The following OR7E24 variants were observed in gnomAD, a reference collection of about 807,000 sequenced individuals.
OR7E24 encodes the protein olfactory receptor family 7 subfamily E member 24.
For missense variants in OR7E24, 385 were observed against 410.3 expected (o/e 0.94, Z 0.53); for synonymous variants, 130 against 157.5 (o/e 0.83, Z 1.31).
upstream of OR7E24, chr19:9,247,498 C>G (rs1021981080): frequency 1.3e-5 from 5 of 398,608 alleles, no homozygotes; most frequent in Admixed American, 4.4e-5. Context: ...CATGGCCCAG[C>G]AGAGGGGAAG....
the OR7E24 span, chr19:9,207,487 G>A: frequency 1.3e-5 from 2 of 152,192 alleles, no homozygotes; most frequent in Non-Finnish European, 2.9e-5. Flanking sequence ...AAGGTACAAG[G>A]TAGAATGGTA....
chr19:9,246,466 T>TTG (rs34518365), upstream of OR7E24, among the ~76,000 whole-genome samples: 34,692 of 130,522 alleles, frequency 0.27, 4,427 homozygotes, highest in Non-Finnish European at 0.3. Context: ...CTTAAAGGTA[T>TTG]TGTGTGTGTG....
rs1450756932 is a variant in OR7E24 at position 9,252,137 on chromosome 19, G to C, written c.*74G>C. ...GTCACATTATTTTGGTTGCTTGATG[G>C]CTTTCATTCCTCTCTGGGTTTCGTA... On this transcript the variant is annotated 3_prime_UTR_variant, in exon 1 of 1. Transcript: ENST00000456448. 1.6e-6 allele frequency: 2 copies of C among 1,259,370 alleles called. No individual in the cohort carries two copies. Among genetic ancestry groups the C allele is most frequent in the African/African-American group, 3.0e-5 (2 of 67,306 alleles). 78.0% of individuals were successfully genotyped at this position (1,259,370 alleles called of 1,614,324 possible). A position where few individuals can be genotyped will look rare whatever the true frequency, so the allele number is the denominator to read the frequency against.
rs1421409879 is a variant in OR7E24, at chr19:9,251,547, T to C, written c.504T>C (p.Phe168=). 6.2e-7 allele frequency: 1 copy of C among 1,614,164 alleles called. No homozygotes were observed. Among genetic ancestry groups the C allele is most frequent in the South Asian group, 1.1e-5 (1 of 91,076 alleles). ...GCTTCTTAATCTTGTTGTCTTTTTT[T>C]ATTAGTCTTTTGGACTCCCAGTTGC... The part of the protein sequence containing the change: ...LCGFLILLSF[F]ISLLDSQLHN... The change falls in exon 1 of 1, where the codon TTT becomes TTC. Residue 168 remains phenylalanine (F), a synonymous_variant. Transcript: ENST00000456448.
At chr19:9,216,803 G>A in the OR7E24 span, among the ~76,000 whole-genome samples, 1 of 152,158 alleles carries the variant, frequency 6.6e-6, no homozygotes, top group East Asian at 1.9e-4. Flanking sequence ...TGTTGGCCAG[G>A]TTGGTTTTGA....
chr19:9,215,486 G>A, the OR7E24 span, among the ~76,000 whole-genome samples: 5 of 151,278 alleles, frequency 3.3e-5, no homozygotes, highest in African/African-American at 7.3e-5. Context: ...TCTTTTCCTC[G>A]ATAATCCCCA....
chr19:9,214,544 G>A, the OR7E24 span: 2 of 1,614,180 alleles, frequency 1.2e-6, no homozygotes, highest in Non-Finnish European at 1.7e-6. Context: ...ACACCTGAGT[G>A]AGGCACCCCA....
the OR7E24 span, among the ~76,000 whole-genome samples, chr19:9,232,568 C>T: frequency 2.0e-5 from 3 of 146,604 alleles, no homozygotes; most frequent in Admixed American, 2.0e-4. Context: ...AAAGATTCTT[C>T]GTGCACTTTG....
chr19:9,238,165 T>C, the OR7E24 span, among the ~76,000 whole-genome samples: 11 of 152,064 alleles, frequency 7.2e-5, no homozygotes, highest in African/African-American at 2.7e-4. Context: ...TCCCAGCTAC[T>C]TGGGAGGCAG....
the OR7E24 span, chr19:9,207,689 GTT>G: frequency 6.6e-6 from 1 of 152,172 alleles, no homozygotes; most frequent in African/African-American, 2.4e-5. Flanking sequence ...CATTATTCTG[GTT>G]TCTAAGCCAT....
At chr19:9,245,370 G>A (rs1196382977), upstream of OR7E24, among the ~76,000 whole-genome samples, 2 of 152,108 alleles carry the variant, frequency 1.3e-5, no homozygotes, top group Non-Finnish European at 2.9e-5. Context: ...CCAATAGGAT[G>A]GCTATTAAGA....
upstream of OR7E24, among the ~76,000 whole-genome samples, chr19:9,245,346 C>T (rs971359863): frequency 6.6e-6 from 1 of 152,036 alleles, no homozygotes; most frequent in African/African-American, 2.4e-5. Flanking sequence ...ATAAAAATCA[C>T]AATGAGATAC....
chr19:9,250,103 ATTGAT>A (rs1351279177), upstream of OR7E24, among the ~76,000 whole-genome samples: 2 of 152,036 alleles, frequency 1.3e-5, no homozygotes, highest in African/African-American at 4.8e-5. Flanking sequence ...TTAATTACTT[ATTGAT>A]TTAATAGTCA....
At chr19:9,243,806 A>G (rs763834702), upstream of OR7E24, among the ~76,000 whole-genome samples, 15 of 152,210 alleles carry the variant, frequency 9.9e-5, 1 homozygote, top group Admixed American at 5.2e-4. Context: ...AAGTTGCCTC[A>G]AGCAGTTAGA....
upstream of OR7E24, among the ~76,000 whole-genome samples, chr19:9,246,208 T>G (rs1331824857): frequency 6.6e-6 from 1 of 151,346 alleles, no homozygotes; most frequent in East Asian, 2.0e-4. Context: ...TAGCTGGGAT[T>G]ACAGGCACGG....
At chr19:9,237,427 C>T in the OR7E24 span, among the ~76,000 whole-genome samples, 3 of 152,142 alleles carry the variant, frequency 2.0e-5, no homozygotes, top group East Asian at 3.9e-4. Flanking sequence ...TCTCTTGCCT[C>T]AGCCTCCTGA....
the OR7E24 span, chr19:9,209,244 A>C: frequency 6.6e-6 from 1 of 152,178 alleles, no homozygotes; most frequent in East Asian, 1.9e-4. Context: ...TTGGGCTCTT[A>C]AACGTGGGAC....
At position 9,251,769 on chromosome 19, in the gene OR7E24, C is replaced by T. The variant is rs146858978; in HGVS notation, c.726C>T (p.Pro242=). The T allele has an allele frequency of 3.7e-3, 5,916 of 1,611,520 alleles. 21 individuals are homozygous for T. The highest frequency in any genetic ancestry group is 3.6e-3 in the Non-Finnish European group (4,242 of 1,178,712). The change falls in exon 1 of 1, where the codon CCC becomes CCT. Residue 242 remains proline, a synonymous_variant. Coordinates refer to ENST00000456448, the MANE Select transcript of OR7E24 (RefSeq NM_001079935.2). ...ILFSYYKIVS[P]ILRVPTSDGK... is the part of the protein sequence containing the mutation. The stretch of plus-strand genomic sequence containing the variant: ...TCTCTTACTATAAAATTGTTTCCCC[C>T]ATTCTGAGAGTTCCAACATCAGATG...
At chr19:9,213,661 C>A in the OR7E24 span, 1 of 472,020 alleles carries the variant, frequency 2.1e-6, no homozygotes, top group Non-Finnish European at 3.8e-6. Flanking sequence ...CCGCTTCAAC[C>A]TGGGAGGTAG....
Sources: gnomAD v4.1 joint callset for allele counts (sites outside exome capture counted in the v4.1 genomes callset) on GRCh38, gnomAD v4.1.1 for gene constraint, MANE v1.5 for transcripts, NCBI Gene and HGNC (gene_info 2026-07-23, HGNC 2026-07-21) for gene names.